ACVRL1: variants seen among roughly 807,000 people sequenced by gnomAD.
ACVRL1 encodes activin receptor type-1-like.
A neutral mutation model predicts 51.9 loss-of-function variants in ACVRL1; 20 were observed. The ratio of observed to expected loss-of-function variants is 0.39; its 90% CI spans 0.27 to 0.56. ACVRL1 has a LOEUF of 0.56. ACVRL1 is among the 20% of genes least tolerant of loss of function. ACVRL1 has a pLI of 0.67. For missense variants in ACVRL1, 451 were observed against 670.3 expected (o/e 0.67, Z 3.61); for synonymous variants, 288 against 280.9 (o/e 1.03, Z -0.25).
Position 51,912,516 on chromosome 12 carries a change from G to A in ACVRL1, c.42G>A (p.Leu14=), listed in dbSNP as rs1472602374. ...CCAGGAAAGGCCTTCTGATGCTGCT[G>A]ATGGCCTTGGTGACCCAGGGTGAGT... ...GSPRKGLLML[L]MALVTQGDPV... is the part of the protein sequence containing the mutation. Residue 14 remains leucine (L), a synonymous_variant, in exon 2 of 10, where the codon CTG becomes CTA. Coordinates refer to ENST00000388922, the MANE Select transcript of ACVRL1 (RefSeq NM_000020.3). 6.2e-7 allele frequency: 1 copy of A among 1,614,038 alleles called. No individual in the cohort carries two copies. The highest frequency in any genetic ancestry group is 2.2e-5 in the East Asian group (1 of 44,878).
intron 3 of ACVRL1, 52 bp from the exon 4 acceptor site, chr12:51,913,507 G>A: frequency 1.9e-6 from 3 of 1,562,156 alleles, no homozygotes; most frequent in Non-Finnish European, 2.6e-6. Context: ...CTGGCCCGAG[G>A]TGGGGGGAGC....
rs1326794336 is a variant in ACVRL1, at chr12:51,908,897, T to TATGG, written c.-6+1202_-6+1203insATGG. Among the ~76,000 whole-genome samples, 7 of 152,304 alleles carry TATGG rather than the reference T, an allele frequency of 4.6e-5. No homozygotes were observed. The Middle Eastern group carries it at 0.01, about 222-fold the overall frequency. On this transcript the variant is annotated intron_variant, in intron 1 of 9. Transcript: ENST00000388922. ...AACCTCTGTGCTACACTGTGCTGCC[T>TATGG]CCATGGTCTGCCTGAGACCTGAAAA...
In ACVRL1 at chr12:51,917,193, G is replaced by A. The variant is rs1449688330; in HGVS notation, c.1246+960G>A. On this transcript the variant is annotated intron_variant, in intron 8 of 9. Coordinates refer to ENST00000388922, the MANE Select transcript of ACVRL1 (RefSeq NM_000020.3). The surrounding 1 kb of genome is among the most constrained non-coding windows in gnomAD (Gnocchi z 4.2). Reference sequence around the variant, plus strand: ...TGGGCTTGAGGCAGCATCAGGGTCCGAAACCGGGCAGTCTGCCCCGGGGCC... The same window carrying A: ...TGGGCTTGAGGCAGCATCAGGGTCCAAAACCGGGCAGTCTGCCCCGGGGCC... Among the ~76,000 whole-genome samples, 1 of 152,202 alleles carries A rather than the reference G, an allele frequency of 6.6e-6. No individual in the cohort carries two copies. Among genetic ancestry groups the A allele is most frequent in the African/African-American group, 2.4e-5 (1 of 41,446 alleles).
chr12:51,918,880 A>G, intron 8 of ACVRL1, 105 bp from the exon 9 acceptor site: 1 of 1,555,178 alleles, frequency 6.4e-7, no homozygotes, highest in Non-Finnish European at 8.9e-7. Flanking sequence ...TGTCCAGGCC[A>G]CTGGTTTCTG....
chr12:51,919,891 AC>A (rs1357257196), intron 9 of ACVRL1, among the ~76,000 whole-genome samples: 3 of 152,230 alleles, frequency 2.0e-5, no homozygotes, highest in African/African-American at 7.2e-5. Flanking sequence ...CCCCGTGAGG[AC>A]AAAGAACGTG....
rs1169248575 is a variant in ACVRL1, at chr12:51,921,224, C to T, written c.*331C>T. Reference sequence around the variant, plus strand: ...AGTGCCAAGCCAGGGAATCCCAGTCCCAGACTCAGAGCCCGGGCCTGCACT... The same window carrying T: ...AGTGCCAAGCCAGGGAATCCCAGTCTCAGACTCAGAGCCCGGGCCTGCACT... On this transcript the variant is annotated 3_prime_UTR_variant, in exon 10 of 10. Transcript: ENST00000388922. The T allele has an allele frequency of 1.0e-5, 4 of 381,734 alleles. No homozygotes were observed. The highest frequency in any genetic ancestry group is 8.6e-4 in the Middle Eastern group (1 of 1,164). The allele number at this position is 381,734 out of a possible 1,614,324, so 23.6% of individuals were successfully genotyped here.
chr12:51,913,847 G>T lies in ACVRL1; in HGVS notation c.525+77G>T, dbSNP rs974811353. Reference sequence around the variant, plus strand: ...TGCAGAATCAGAGGGGTCACCCAGAGATTAGAGCCGGTGGGGAGCTGGGCG... The same window carrying T: ...TGCAGAATCAGAGGGGTCACCCAGATATTAGAGCCGGTGGGGAGCTGGGCG... On this transcript the variant is annotated intron_variant, in intron 4 of 9. Transcript: ENST00000388922. The T allele has an allele frequency of 6.9e-6, 11 of 1,583,732 alleles. No homozygotes were observed. The African/African-American group carries it at 1.5e-4, about 21-fold the overall frequency.
At chr12:51,919,363 CTGTGTGTGTGTGTGTGTG>C (rs55945390) in intron 9 of ACVRL1, 6 of 387,826 alleles carry the variant, frequency 1.5e-5, no homozygotes, top group African/African-American at 6.7e-5. Context: ...ATCTGTGGCT[CTGTGTGTGTGTGTGTGTG>C]TGTGTGTGTG....
chr12:51,915,031 A>G (rs1940796544), intron 6 of ACVRL1, among the ~76,000 whole-genome samples, 194 bp from the exon 7 acceptor site: 1 of 152,234 alleles, frequency 6.6e-6, no homozygotes, highest in Non-Finnish European at 1.5e-5. Flanking sequence ...GGTGCAAGCC[A>G]CTAAGCCAGG....
rs776976385 is a variant in ACVRL1 at position 51,913,695 on chromosome 12, G to T, written c.450G>T (p.Gln150His). 6.2e-7 allele frequency: 1 copy of T among 1,611,548 alleles called. No individual in the cohort carries two copies. Residue 150 changes from glutamine (Q) to histidine (H), a missense_variant, in exon 4 of 10, where the codon CAG (glutamine) becomes CAT (histidine). Gln to His is a conservative substitution (Grantham distance 24). This residue lies in a region of ACVRL1 where 192 missense variants were observed against 216.9 expected (regional missense o/e 0.89). Transcript: ENST00000388922. Reference sequence around the variant, plus strand: ...ATGTCCGACGGAGGCAGGAGAAGCAGCGTGGCCTGCACAGCGAGCTGGGAG... The same window carrying T: ...ATGTCCGACGGAGGCAGGAGAAGCATCGTGGCCTGCACAGCGAGCTGGGAG... ...LWHVRRRQEKQRGLHSELGES... is the reference protein window; with the variant it reads ...LWHVRRRQEKHRGLHSELGES...
At chr12:51,912,268 A>T in intron 1 of ACVRL1, 1 of 660,342 alleles carries the variant, frequency 1.5e-6, no homozygotes, top group Non-Finnish European at 2.7e-6. Flanking sequence ...TTCACCTCTA[A>T]CAGGATGGTT....
rs1940981570 is a variant in ACVRL1, at chr12:51,921,570, G to C, written c.*677G>C. The stretch of plus-strand genomic sequence containing the variant: ...TCACAGGCCAGTGGAAAAAGGGCAG[G>C]TCAGATGGGCAAGGCCCAGGACTTT... On this transcript the variant is annotated 3_prime_UTR_variant, in exon 10 of 10. Coordinates refer to ENST00000388922, the MANE Select transcript of ACVRL1 (RefSeq NM_000020.3). 1.3e-5 allele frequency: 2 copies of C among 159,182 alleles called. No individual in the cohort carries two copies. Among genetic ancestry groups the C allele is most frequent in the Admixed American group, 1.2e-4 (2 of 17,064 alleles). The allele number at this position is 159,182 out of a possible 1,614,324, so 9.9% of individuals were successfully genotyped here.
chr12:51,915,833 T>C, intron 7 of ACVRL1: 1 of 658,782 alleles, frequency 1.5e-6, no homozygotes, highest in South Asian at 2.0e-5. Context: ...GCTGGGTTCT[T>C]GGGAACCTAG....
At chr12:51,919,941 T>C (rs1940931089) in intron 9 of ACVRL1, among the ~76,000 whole-genome samples, 1 of 152,230 alleles carries the variant, frequency 6.6e-6, no homozygotes, top group African/African-American at 2.4e-5. Context: ...CCTATCATAG[T>C]ATCTGGCTCA....
In ACVRL1 at chr12:51,915,510, G is replaced by A; in HGVS notation, c.1048+10G>A. 1 of 1,604,234 alleles carries A rather than the reference G, an allele frequency of 6.2e-7. No individual in the cohort carries two copies. Among genetic ancestry groups the A allele is most frequent in the Non-Finnish European group, 8.5e-7 (1 of 1,174,464 alleles). The stretch of plus-strand genomic sequence containing the variant: ...TGCATCGCCGACCTGGGTGAGCCGG[G>A]CGGGGCAGGGGCGCGCCCTTCACAG... On this transcript the variant is annotated intron_variant, in intron 7 of 9. Coordinates refer to ENST00000388922, the MANE Select transcript of ACVRL1 (RefSeq NM_000020.3).
At chr12:51,916,313 A>G in intron 8 of ACVRL1, 80 bp downstream of exon 8, 2 of 1,500,222 alleles carry the variant, frequency 1.3e-6, no homozygotes, top group South Asian at 2.4e-5. Context: ...GCCAGTGCCC[A>G]TGGCCTGGGA....
In ACVRL1 at chr12:51,921,107, C is replaced by T. The variant is rs1307265395; in HGVS notation, c.*214C>T. ...CTGGCCTGCTCAAAGCGGCAGGCTC[C>T]CTGACGCCTGGCTCTCTCCCCACCC... On this transcript the variant is annotated 3_prime_UTR_variant, in exon 10 of 10. Coordinates refer to ENST00000388922, the MANE Select transcript of ACVRL1 (RefSeq NM_000020.3). 6 of 603,274 alleles carry T rather than the reference C, an allele frequency of 9.9e-6. No individual in the cohort carries two copies. Among genetic ancestry groups the T allele is most frequent in the African/African-American group, 1.9e-5 (1 of 54,038 alleles). 37.4% of individuals were successfully genotyped at this position (603,274 alleles called of 1,614,324 possible).
intron 8 of ACVRL1, among the ~76,000 whole-genome samples, chr12:51,918,126 G>A (rs905469236): frequency 3.3e-5 from 5 of 152,320 alleles, no homozygotes; most frequent in South Asian, 4.1e-4. Flanking sequence ...CGGCTCCACC[G>A]GCATTGTTTT....
At position 51,915,430 on chromosome 12, in the gene ACVRL1, T is replaced by C. The variant is rs746827105; in HGVS notation, c.978T>C (p.Ile326=). 2.5e-6 allele frequency: 4 copies of C among 1,613,774 alleles called. No individual in the cohort carries two copies. The highest frequency in any genetic ancestry group is 3.4e-6 in the Non-Finnish European group (4 of 1,180,034). ...EIFGTQGKPA[I]AHRDFKSRNV... is the part of the protein sequence containing the mutation. ...TCGGTACACAGGGCAAACCAGCCATTGCCCACCGCGACTTCAAGAGCCGCA... is the reference window on the plus strand; with the variant it reads ...TCGGTACACAGGGCAAACCAGCCATCGCCCACCGCGACTTCAAGAGCCGCA... The change falls in exon 7 of 10, where the codon ATT becomes ATC. Residue 326 remains isoleucine, a synonymous_variant. Transcript: ENST00000388922.
Sources: gnomAD v4.1 joint callset for allele counts (sites outside exome capture counted in the v4.1 genomes callset) on GRCh38, gnomAD v4.1.1 for gene constraint, gnomAD v4.1.1 regional missense constraint, Gnocchi (gnomAD v3.1) non-coding constraint, MANE v1.5 for transcripts, NCBI Gene and HGNC (gene_info 2026-07-23, HGNC 2026-07-21) for gene names.